PDE6A: variants seen among roughly 807,000 people sequenced by gnomAD.
PDE6A encodes the protein phosphodiesterase 6A.
In PDE6A, 84 loss-of-function variants were observed where a neutral mutation model predicts 106.3. The ratio of observed to expected loss-of-function variants is 0.79; its 90% CI spans 0.66 to 0.95. PDE6A has a LOEUF of 0.95. Among genes scored for constraint, PDE6A ranks in the 40% least tolerant of loss-of-function variants. The pLI, the probability that PDE6A is intolerant of heterozygous loss-of-function variation, is 0.00. For synonymous variants in PDE6A, 394 were observed against 386.6 expected, an observed-to-expected ratio of 1.02 and a Z score of -0.23; for missense variants, 1,052 against 1,084.9, an observed-to-expected ratio of 0.97 and a Z score of 0.43.
At chr5:149,861,810 A>AT (rs1374918322) in intron 21 of PDE6A, among the ~76,000 whole-genome samples, 2 of 152,282 alleles carry the variant, frequency 1.3e-5, no homozygotes, top group African/African-American at 4.8e-5. Context: ...CCAAATCTGT[A>AT]TTTTTTTATC....
chr5:149,908,414 G>C (rs1166812807), intron 6 of PDE6A, among the ~76,000 whole-genome samples: 1 of 152,124 alleles, frequency 6.6e-6, no homozygotes, highest in African/African-American at 2.4e-5. Flanking sequence ...AATGATTGTA[G>C]CAATTAACAC....
At position 149,896,494 on chromosome 5, in the gene PDE6A, C is replaced by T. The variant is rs1258972203; in HGVS notation, c.1482G>A (p.Glu494=). ...TTTCGTATTTATCTGCATCTGGCAG[C>T]TCCGCTTGCTGTATAAGGAATAGAG... ...EEELAEILQA[E]LPDADKYEIN... is the part of the protein sequence containing the mutation. The change falls in exon 12 of 22, where the codon GAG becomes GAA. Residue 494 remains glutamate, a synonymous_variant. Transcript: ENST00000255266. 1.2e-5 allele frequency: 20 copies of T among 1,614,062 alleles called. No individual in the cohort carries two copies. The East Asian group carries it at 4.2e-4, about 34-fold the overall frequency.
At chr5:149,881,101 A>G (rs1044442811) in intron 17 of PDE6A, among the ~76,000 whole-genome samples, 1 of 152,102 alleles carries the variant, frequency 6.6e-6, no homozygotes, top group Non-Finnish European at 1.5e-5. Flanking sequence ...AACATAACAG[A>G]TGCTGGTAAG....
chr5:149,913,065 A>G (rs1332100601), intron 6 of PDE6A, among the ~76,000 whole-genome samples: 2 of 152,158 alleles, frequency 1.3e-5, no homozygotes, highest in African/African-American at 4.8e-5. Flanking sequence ...AGAAAAAAAA[A>G]GAGAGATGAA....
chr5:149,931,983 AAT>A, intron 3 of PDE6A: 1 of 1,361,912 alleles, frequency 7.3e-7, no homozygotes, highest in Non-Finnish European at 1.0e-6. Context: ...CTGTTGAGAT[AAT>A]ATTTTTGAGA....
At chr5:149,927,811 G>T (rs1753903838) in intron 4 of PDE6A, among the ~76,000 whole-genome samples, 1 of 151,294 alleles carries the variant, frequency 6.6e-6, no homozygotes, top group South Asian at 2.1e-4. Flanking sequence ...TATCCTACAA[G>T]CTTTTTTTCT....
intron 6 of PDE6A, among the ~76,000 whole-genome samples, chr5:149,910,821 G>A (rs1753356453): frequency 6.7e-6 from 1 of 148,350 alleles, no homozygotes; most frequent in African/African-American, 2.5e-5. Context: ...CTGACCTTCT[G>A]AGAAATCAGG....
At chr5:149,929,059 T>C (rs897745555) in intron 4 of PDE6A, among the ~76,000 whole-genome samples, 6 of 152,290 alleles carry the variant, frequency 3.9e-5, no homozygotes, top group African/African-American at 1.4e-4. Flanking sequence ...TACAATCATT[T>C]TGAAAATCAG....
chr5:149,923,326 C>T (rs757924249), intron 4 of PDE6A, among the ~76,000 whole-genome samples: 4 of 151,920 alleles, frequency 2.6e-5, no homozygotes, highest in Non-Finnish European at 4.4e-5. Context: ...GGCAAAACCC[C>T]GTCTCTACCA....
intron 17 of PDE6A, among the ~76,000 whole-genome samples, chr5:149,872,458 T>G (rs945662673): frequency 1.3e-5 from 2 of 152,146 alleles, no homozygotes; most frequent in Non-Finnish European, 2.9e-5. Flanking sequence ...CCCTCGTGTG[T>G]AGAGCTCTCA....
At chr5:149,884,710 T>G in intron 15 of PDE6A, 70 bp downstream of exon 15, 2 of 1,497,378 alleles carry the variant, frequency 1.3e-6, no homozygotes, top group Non-Finnish European at 1.9e-6. Flanking sequence ...CTGGGCACAC[T>G]CAGGCTCCTT....
At chr5:149,938,085 G>A (rs147404269) in intron 1 of PDE6A, among the ~76,000 whole-genome samples, 22 of 152,294 alleles carry the variant, frequency 1.4e-4, no homozygotes, top group African/African-American at 5.1e-4. Flanking sequence ...ATAGTGGAAT[G>A]TCATGCAAAA....
At chr5:149,868,775 G>T (rs1760427753) in intron 17 of PDE6A, among the ~76,000 whole-genome samples, 1 of 152,134 alleles carries the variant, frequency 6.6e-6, no homozygotes, top group South Asian at 2.1e-4. Context: ...ACAGGCCATT[G>T]TAATAGCTAA....
intron 4 of PDE6A, among the ~76,000 whole-genome samples, chr5:149,926,266 AC>A (rs570864967): frequency 6.6e-5 from 10 of 152,330 alleles, no homozygotes; most frequent in Admixed American, 4.6e-4. Flanking sequence ...ATTAAAAAAA[AC>A]ATATATATAT....
intron 5 of PDE6A, among the ~76,000 whole-genome samples, chr5:149,920,887 C>CAGAGAG (rs147822187): frequency 9.5e-5 from 12 of 126,330 alleles, no homozygotes; most frequent in Admixed American, 7.8e-4. Context: ...AAGAGAGAGA[C>CAGAGAG]AGAGAGAGAG....
At chr5:149,916,184 G>A (rs940479571) in intron 5 of PDE6A, among the ~76,000 whole-genome samples, 1 of 151,876 alleles carries the variant, frequency 6.6e-6, no homozygotes, top group Non-Finnish European at 1.5e-5. Context: ...TTTTTCTTTG[G>A]ACATACTGAA....
rs188701173 is a variant in PDE6A, at chr5:149,885,289, C to G, written c.1839-422G>C. On this transcript the variant is annotated intron_variant, in intron 14 of 21. Transcript: ENST00000255266. Reference sequence around the variant, plus strand: ...AACCCAATCTCTAGCCCCAGAGCAGCATGAAAGTATTGAGAAGACTCAGCA... The same window carrying G: ...AACCCAATCTCTAGCCCCAGAGCAGGATGAAAGTATTGAGAAGACTCAGCA... Among the ~76,000 whole-genome samples, 8 of 152,324 alleles carry G rather than the reference C, an allele frequency of 5.3e-5. No homozygotes were observed. The East Asian group carries it at 1.5e-3, about 29-fold the overall frequency.
intron 14 of PDE6A, 58 bp downstream of exon 14, chr5:149,886,207 C>T: frequency 7.8e-7 from 1 of 1,277,942 alleles, no homozygotes; most frequent in Non-Finnish European, 1.1e-6. Context: ...GCCTGGGAGC[C>T]ACACAGAGCT....
At chr5:149,921,561 AT>A in intron 5 of PDE6A, 73 bp downstream of exon 5, 1 of 1,212,000 alleles carries the variant, frequency 8.3e-7, no homozygotes, top group Non-Finnish European at 1.2e-6. Context: ...CTAATAAAAA[AT>A]CCTTTAACAG....
Sources: gnomAD v4.1 joint callset for allele counts (sites outside exome capture counted in the v4.1 genomes callset) on GRCh38, gnomAD v4.1.1 for gene constraint, MANE v1.5 for transcripts, NCBI Gene and HGNC (gene_info 2026-07-23, HGNC 2026-07-21) for gene names.